Variants in PHF24 observed in about 807,000 individuals in gnomAD.
PHF24 encodes Galpha inhibitory interacting protein.
Under a neutral mutation model 42.6 loss-of-function variants are expected in PHF24, and 25 were observed. The observed-to-expected ratio is 0.59, with a 90% CI of 0.43 to 0.82. PHF24 has a LOEUF of 0.82. Among genes scored for constraint, PHF24 ranks in the 40% least tolerant of loss-of-function variants. The pLI, the probability that PHF24 is intolerant of heterozygous loss-of-function variation, is 0.00. For missense variants in PHF24, 470 were observed against 538.1 expected, an observed-to-expected ratio of 0.87 and a Z score of 1.25; for synonymous variants, 185 against 204.8, an observed-to-expected ratio of 0.90 and a Z score of 0.83.
chr9:34,833,366 G>A, the PHF24 span: 1 of 1,550,926 alleles, frequency 6.4e-7, no homozygotes, highest in Non-Finnish European at 8.7e-7. Flanking sequence ...TTTGGAATTG[G>A]ATTGCTTTTG....
chr9:34,805,414 T>G, the PHF24 span, among the ~76,000 whole-genome samples: 30 of 152,248 alleles, frequency 2.0e-4, no homozygotes, highest in Non-Finnish European at 3.1e-4. Flanking sequence ...GAGTATGAAG[T>G]GGTCACCCAC....
the PHF24 span, among the ~76,000 whole-genome samples, chr9:34,862,129 C>T: frequency 3.4e-3 from 513 of 152,260 alleles, 1 homozygote; most frequent in South Asian, 0.018. Flanking sequence ...AGGGAAATCA[C>T]CCATCCCAGT....
the PHF24 span, among the ~76,000 whole-genome samples, chr9:34,936,911 G>A: frequency 2.7e-5 from 4 of 150,876 alleles, no homozygotes; most frequent in African/African-American, 7.3e-5. Context: ...CCCTCTGCCC[G>A]GCAGCCACCC....
At chr9:34,689,220 T>C in the PHF24 span, among the ~76,000 whole-genome samples, 2 of 152,096 alleles carry the variant, frequency 1.3e-5, no homozygotes, top group African/African-American at 2.4e-5. The surrounding 1 kb of genome is among the most constrained non-coding windows in gnomAD (Gnocchi z 4.1). Flanking sequence ...CTTAGACACC[T>C]GGATGCTTGA....
the PHF24 span, chr9:34,709,890 A>G: frequency 9.3e-6 from 15 of 1,614,210 alleles, no homozygotes; most frequent in South Asian, 2.2e-5. Context: ...GAGCCCCTCC[A>G]TCACTGCCTG....
At chr9:34,963,777 T>G (rs1826676912) in intron 1 of PHF24, among the ~76,000 whole-genome samples, 2 of 152,230 alleles carry the variant, frequency 1.3e-5, no homozygotes, top group Admixed American at 1.3e-4. Flanking sequence ...CTGCTAGCCC[T>G]GACTCACTGT....
chr9:34,806,148 A>G, the PHF24 span, among the ~76,000 whole-genome samples: 1 of 151,930 alleles, frequency 6.6e-6, no homozygotes, highest in East Asian at 1.9e-4. Flanking sequence ...AAATTGGGAA[A>G]TGTGAGTCCT....
the PHF24 span, among the ~76,000 whole-genome samples, chr9:34,692,047 A>C: frequency 6.6e-6 from 1 of 152,132 alleles, no homozygotes; most frequent in Non-Finnish European, 1.5e-5. Context: ...TTAAAATTTC[A>C]AGGAATCGGC....
At chr9:34,729,507 C>T in the PHF24 span, 2 of 1,438,514 alleles carry the variant, frequency 1.4e-6, no homozygotes, top group African/African-American at 1.4e-5. Flanking sequence ...AATCCCAGTG[C>T]TAGGCCTTGT....
chr9:34,719,045 T>G, the PHF24 span, among the ~76,000 whole-genome samples: 1 of 152,202 alleles, frequency 6.6e-6, no homozygotes, highest in African/African-American at 2.4e-5. Flanking sequence ...TCTTTTTTCT[T>G]TTTTGAGATG....
At chr9:34,856,660 C>G in the PHF24 span, among the ~76,000 whole-genome samples, 1 of 152,214 alleles carries the variant, frequency 6.6e-6, no homozygotes, top group East Asian at 1.9e-4. Flanking sequence ...CCTCTAGGAG[C>G]TCCGTCCCAG....
At chr9:34,944,158 G>T in the PHF24 span, among the ~76,000 whole-genome samples, 3 of 152,156 alleles carry the variant, frequency 2.0e-5, no homozygotes, top group Non-Finnish European at 2.9e-5. Flanking sequence ...CTATTCTCTA[G>T]GGTTCTTGCC....
At chr9:34,804,390 T>C in the PHF24 span, among the ~76,000 whole-genome samples, 8 of 152,222 alleles carry the variant, frequency 5.3e-5, no homozygotes, top group Non-Finnish European at 8.8e-5. Context: ...ATTGGGGATA[T>C]AGGCTTAAGG....
chr9:34,918,648 TTAAATC>T, the PHF24 span, among the ~76,000 whole-genome samples: 2 of 152,188 alleles, frequency 1.3e-5, no homozygotes, highest in Non-Finnish European at 2.9e-5. Flanking sequence ...GAAAAACACT[TTAAATC>T]TCAATATTTC....
the PHF24 span, among the ~76,000 whole-genome samples, chr9:34,719,700 C>T: frequency 6.6e-6 from 1 of 152,220 alleles, no homozygotes; most frequent in Non-Finnish European, 1.5e-5. Flanking sequence ...ACGCTAACCC[C>T]TGGCTTCCTA....
At chr9:34,850,813 AACAG>A in the PHF24 span, among the ~76,000 whole-genome samples, 2 of 152,164 alleles carry the variant, frequency 1.3e-5, no homozygotes, top group African/African-American at 4.8e-5. Flanking sequence ...GTTTCCTTCT[AACAG>A]ACAGTACCCT....
At chr9:34,807,030 T>C in the PHF24 span, among the ~76,000 whole-genome samples, 1 of 152,252 alleles carries the variant, frequency 6.6e-6, no homozygotes, top group East Asian at 1.9e-4. Context: ...GGATGTTTTT[T>C]ACTTGATTTT....
At chr9:34,725,526 TC>T in the PHF24 span, 3 of 1,335,736 alleles carry the variant, frequency 2.2e-6, no homozygotes, top group Admixed American at 6.3e-5. Flanking sequence ...GAGATGGACT[TC>T]CCTGTCTGGG....
At chr9:34,729,272 T>C in the PHF24 span, 1 of 1,551,154 alleles carries the variant, frequency 6.4e-7, no homozygotes, top group African/African-American at 1.4e-5. Context: ...TCAGTTGGGA[T>C]CACAGCCCTA....
Sources: gnomAD v4.1 joint callset for allele counts (sites outside exome capture counted in the v4.1 genomes callset) on GRCh38, gnomAD v4.1.1 for gene constraint, Gnocchi (gnomAD v3.1) non-coding constraint, MANE v1.5 for transcripts, NCBI Gene and HGNC (gene_info 2026-07-23, HGNC 2026-07-21) for gene names.